ADAM10: variants seen among roughly 807,000 people sequenced by gnomAD.
ADAM10 encodes the protein ADAM metallopeptidase domain 10.
A neutral mutation model predicts 90.1 loss-of-function variants in ADAM10; 17 were observed. That is an observed-to-expected ratio of 0.19 (90% confidence interval 0.13 to 0.28). The LOEUF (loss-of-function observed/expected upper bound fraction) is 0.28. Ranked by LOEUF, ADAM10 falls within the 10% of genes least tolerant of loss-of-function variation. The pLI is 1.00. For synonymous variants in ADAM10, 310 were observed against 298.6 expected (o/e 1.04, Z -0.40); for missense variants, 610 against 914.3 (o/e 0.67, Z 4.29).
chr15:58,701,657 A>G (rs1898138164), intron 2 of ADAM10, among the ~76,000 whole-genome samples: 1 of 152,228 alleles, frequency 6.6e-6, no homozygotes, highest in Non-Finnish European at 1.5e-5. Flanking sequence ...AGGAAAAGAA[A>G]TCAGTATGTC....
chr15:58,612,377 C>T (rs1486830279), intron 11 of ADAM10, among the ~76,000 whole-genome samples: 1 of 152,164 alleles, frequency 6.6e-6, no homozygotes, highest in Non-Finnish European at 1.5e-5. Flanking sequence ...ATATCAGTGG[C>T]TGAACTGGGA....
chr15:58,625,778 A>C (rs373263555), intron 10 of ADAM10, among the ~76,000 whole-genome samples: 3 of 152,252 alleles, frequency 2.0e-5, no homozygotes, highest in African/African-American at 7.2e-5. Flanking sequence ...ATGGATGGTT[A>C]AACAAATTGC....
At chr15:58,743,974 T>C (rs1469138554) in intron 1 of ADAM10, among the ~76,000 whole-genome samples, 1 of 152,244 alleles carries the variant, frequency 6.6e-6, no homozygotes, top group Non-Finnish European at 1.5e-5. Flanking sequence ...TTTTAGAGTA[T>C]GTTTAATACC....
At chr15:58,706,148 C>T (rs1484775699) in intron 2 of ADAM10, among the ~76,000 whole-genome samples, 1 of 152,138 alleles carries the variant, frequency 6.6e-6, no homozygotes, top group Non-Finnish European at 1.5e-5. Flanking sequence ...AAACAAAATA[C>T]AGGGTGCATC....
At chr15:58,674,076 T>C (rs1897260829) in intron 4 of ADAM10, among the ~76,000 whole-genome samples, 2 of 152,092 alleles carry the variant, frequency 1.3e-5, no homozygotes, top group South Asian at 4.1e-4. Flanking sequence ...TCCAATTTAG[T>C]ATCCTACATT....
intron 1 of ADAM10, among the ~76,000 whole-genome samples, chr15:58,721,979 A>T (rs1898869818): frequency 6.6e-6 from 1 of 151,148 alleles, no homozygotes; most frequent in South Asian, 2.1e-4. Context: ...GGTGAGCCAA[A>T]ACCGCACCAT....
At chr15:58,723,655 A>C (rs1311567644) in intron 1 of ADAM10, among the ~76,000 whole-genome samples, 1 of 152,172 alleles carries the variant, frequency 6.6e-6, no homozygotes, top group Admixed American at 6.5e-5. Context: ...CAGTGAGCCA[A>C]GGTCACGCCA....
At chr15:58,608,111 A>C (rs1387251952) in intron 14 of ADAM10, among the ~76,000 whole-genome samples, 1 of 152,232 alleles carries the variant, frequency 6.6e-6, no homozygotes, top group Non-Finnish European at 1.5e-5. Context: ...TTGTCAACAC[A>C]GAAAAGAAAG....
chr15:58,658,437 C>G (rs1219092462), intron 5 of ADAM10, among the ~76,000 whole-genome samples: 2 of 152,134 alleles, frequency 1.3e-5, no homozygotes, highest in Non-Finnish European at 2.9e-5. Flanking sequence ...ACTATTAAAT[C>G]TTCCATCCTT....
intron 14 of ADAM10, among the ~76,000 whole-genome samples, chr15:58,607,212 TG>T (rs1215325019): frequency 6.6e-6 from 1 of 152,272 alleles, no homozygotes; most frequent in East Asian, 1.9e-4. Flanking sequence ...CAGAATTAAC[TG>T]GAGAGTTTTA....
chr15:58,611,950 T>C lies in ADAM10; in HGVS notation c.1553A>G (p.Lys518Arg), dbSNP rs1895451235. The change falls in exon 12 of 16, where the codon AAG becomes AGG. Residue 518 changes from lysine (K) to arginine (R), a missense_variant. Around this residue, in one of 4 missense-constraint regions of ADAM10, gnomAD observed 53 missense variants for 62.0 expected, o/e 0.85. Coordinates refer to ENST00000260408, the MANE Select transcript of ADAM10 (RefSeq NM_001110.4). ...GPCCTAQCAFKSKSEKCRDDS... is the reference protein window; with the variant it reads ...GPCCTAQCAFRSKSEKCRDDS... The stretch of plus-strand genomic sequence containing the variant: ...ATCCCGACACTTCTCAGACTTTGAC[T>C]TGAATGCACACTGTGCTGTACAACA... 1.2e-5 allele frequency: 19 copies of C among 1,614,082 alleles called. No individual in the cohort carries two copies. The highest frequency in any genetic ancestry group is 1.7e-5 in the Admixed American group (1 of 60,010).
Position 58,708,844 on chromosome 15 carries a change from A to G in ADAM10, c.206+8733T>C, listed in dbSNP as rs2140802707. ...ATTTCAGAGATGCACACAAATTAACAACTTTATTCCTGCATACAAGTATCA... is the reference window on the plus strand; with the variant it reads ...ATTTCAGAGATGCACACAAATTAACGACTTTATTCCTGCATACAAGTATCA... On this transcript the variant is annotated intron_variant, in intron 2 of 15. Transcript: ENST00000260408. Among the ~76,000 whole-genome samples, 3 of 152,354 alleles carry G rather than the reference A, an allele frequency of 2.0e-5. No individual in the cohort carries two copies. In the South Asian group the frequency reaches 6.2e-4, roughly 32 times the overall value.
At position 58,603,519 on chromosome 15, in the gene ADAM10, G is replaced by A. The variant is rs188598960; in HGVS notation, c.2026-3795C>T. Among the ~76,000 whole-genome samples the A allele has an allele frequency of 2.5e-3, 380 of 152,238 alleles. 1 individual carries two copies. The highest frequency in any genetic ancestry group is 8.6e-3 in the African/African-American group (358 of 41,548). On this transcript the variant is annotated intron_variant, in intron 14 of 15. Transcript: ENST00000260408. Reference sequence around the variant, plus strand: ...ACGATGATGGGCAAGTTGGGTACAGGAGACACACTTCTCTTCCTAAAGTCA... The same window carrying A: ...ACGATGATGGGCAAGTTGGGTACAGAAGACACACTTCTCTTCCTAAAGTCA...
intron 1 of ADAM10, among the ~76,000 whole-genome samples, chr15:58,736,573 G>C (rs1180066440): frequency 2.6e-5 from 4 of 151,940 alleles, no homozygotes; most frequent in Non-Finnish European, 4.4e-5. Context: ...GAAGTATTTA[G>C]AGTACAACTT....
At chr15:58,682,168 A>C in intron 3 of ADAM10, 28 bp downstream of exon 3, 1 of 1,606,814 alleles carries the variant, frequency 6.2e-7, no homozygotes, top group African/African-American at 1.3e-5. Context: ...AAAATGGAAG[A>C]AAAGGGTTCT....
At chr15:58,672,420 T>TA (rs1897214008) in intron 4 of ADAM10, 1 of 152,974 alleles carries the variant, frequency 6.5e-6, no homozygotes, top group Admixed American at 6.5e-5. Context: ...CGGAATTTTC[T>TA]AAAAAATGCT....
Position 58,597,471 on chromosome 15 carries a change from A to G in ADAM10, c.*76T>C, listed in dbSNP as rs1335049504. On this transcript the variant is annotated 3_prime_UTR_variant, in exon 16 of 16. Coordinates refer to ENST00000260408, the MANE Select transcript of ADAM10 (RefSeq NM_001110.4). ...CTTGTGAGGGTTTAGTTTGGAGATGATGACTTAATAGGTTTCTCTTTGGAG... is the reference window on the plus strand; with the variant it reads ...CTTGTGAGGGTTTAGTTTGGAGATGGTGACTTAATAGGTTTCTCTTTGGAG... The G allele has an allele frequency of 6.2e-7, 1 of 1,609,940 alleles. No individual in the cohort carries two copies. Among genetic ancestry groups the G allele is most frequent in the East Asian group, 2.2e-5 (1 of 44,826 alleles).
chr15:58,742,366 T>C (rs1899642934), intron 1 of ADAM10, among the ~76,000 whole-genome samples: 1 of 152,240 alleles, frequency 6.6e-6, no homozygotes, highest in Non-Finnish European at 1.5e-5. Context: ...TTACAGTTTC[T>C]ACTGCACGTG....
At chr15:58,652,679 A>T (rs1896719607) in intron 5 of ADAM10, among the ~76,000 whole-genome samples, 1 of 152,128 alleles carries the variant, frequency 6.6e-6, no homozygotes, top group South Asian at 2.1e-4. Flanking sequence ...TGATTCCTCC[A>T]ATTTTGTTCT....
Sources: gnomAD v4.1 joint callset for allele counts (sites outside exome capture counted in the v4.1 genomes callset) on GRCh38, gnomAD v4.1.1 for gene constraint, gnomAD v4.1.1 regional missense constraint, MANE v1.5 for transcripts, NCBI Gene and HGNC (gene_info 2026-07-23, HGNC 2026-07-21) for gene names.